CPNE4: variants seen among roughly 807,000 people sequenced by gnomAD.
CPNE4 encodes copine 4.
A neutral mutation model predicts 67.9 loss-of-function variants in CPNE4; 25 were observed. That is an observed-to-expected ratio of 0.37 (90% CI 0.27 to 0.51). The LOEUF (loss-of-function observed/expected upper bound fraction) is 0.51, where lower values mean the gene tolerates loss of function less well. Among genes scored for constraint, CPNE4 ranks in the 20% least tolerant of loss-of-function variants. The pLI, the probability that CPNE4 is intolerant of heterozygous loss-of-function variation, is 0.93. For missense variants in CPNE4, 464 were observed against 690.8 expected, an observed-to-expected ratio of 0.67 and a Z score of 3.68; for synonymous variants, 242 against 244.9, an observed-to-expected ratio of 0.99 and a Z score of 0.11.
At chr3:131,930,710 T>G (rs866284615) in intron 1 of CPNE4, among the ~76,000 whole-genome samples, 2 of 152,222 alleles carry the variant, frequency 1.3e-5, no homozygotes, top group South Asian at 4.2e-4. Flanking sequence ...ACAGACTCAG[T>G]TGAAAAGTTC....
intron 1 of CPNE4, among the ~76,000 whole-genome samples, chr3:131,910,652 CTT>C (rs951525796): frequency 6.6e-6 from 1 of 152,108 alleles, no homozygotes; most frequent in African/African-American, 2.4e-5. Context: ...GGCATGAACT[CTT>C]AGATTTGCTG....
At chr3:131,575,415 A>G (rs539955270) in intron 9 of CPNE4, among the ~76,000 whole-genome samples, 4 of 152,278 alleles carry the variant, frequency 2.6e-5, no homozygotes, top group Admixed American at 2.6e-4. Context: ...TGAGACTAAA[A>G]CTATATTTTC....
At chr3:131,861,639 G>T (rs1192931712) in intron 2 of CPNE4, among the ~76,000 whole-genome samples, 2 of 152,006 alleles carry the variant, frequency 1.3e-5, no homozygotes, top group African/African-American at 2.4e-5. Context: ...CACTATGTTG[G>T]CCAGGCTGGT....
chr3:131,890,810 G>C (rs2088084728), intron 2 of CPNE4, among the ~76,000 whole-genome samples: 4 of 152,070 alleles, frequency 2.6e-5, no homozygotes, highest in Admixed American at 2.6e-4. Context: ...AGACATTATG[G>C]AACAGAAAGA....
rs554301947 is a variant in CPNE4, at chr3:131,656,626, G to C, written c.681+13049C>G. Among the ~76,000 whole-genome samples the C allele has an allele frequency of 3.9e-5, 6 of 152,294 alleles. No individual in the cohort carries two copies. In the South Asian group the frequency reaches 1.2e-3, roughly 32 times the overall value. On this transcript the variant is annotated intron_variant, in intron 7 of 15. Transcript: ENST00000429747. Reference sequence around the variant, plus strand: ...CTACTATATGCCAAGCACTGTTTTAGGGGCTGAGGATATAGAGGTGAATTA... The same window carrying C: ...CTACTATATGCCAAGCACTGTTTTACGGGCTGAGGATATAGAGGTGAATTA...
chr3:131,567,207 G>C (rs1196656327), intron 10 of CPNE4, among the ~76,000 whole-genome samples: 1 of 151,880 alleles, frequency 6.6e-6, no homozygotes, highest in Non-Finnish European at 1.5e-5. Flanking sequence ...GGGTTATATA[G>C]GCCAGAGGAA....
At chr3:131,659,547 C>A (rs2080070444) in intron 7 of CPNE4, among the ~76,000 whole-genome samples, 2 of 152,076 alleles carry the variant, frequency 1.3e-5, no homozygotes, top group Non-Finnish European at 2.9e-5. Context: ...GAATAGCATT[C>A]ATCTGATACT....
intron 1 of CPNE4, among the ~76,000 whole-genome samples, chr3:132,010,308 C>A (rs182389337): frequency 5.3e-5 from 8 of 152,298 alleles, no homozygotes; most frequent in African/African-American, 9.6e-5. Flanking sequence ...TACAAATAAC[C>A]AAGCACTGAT....
rs181558159 is a variant in CPNE4, at chr3:131,803,806, C to T, written c.181-80181G>A. On this transcript the variant is annotated intron_variant, in intron 2 of 15. Transcript: ENST00000429747. ...AACGGGGAAATGGTTAAGTAAATTACGTACCTCTAATTGCTGGAACATTAA... is the reference window on the plus strand; with the variant it reads ...AACGGGGAAATGGTTAAGTAAATTATGTACCTCTAATTGCTGGAACATTAA... 1.1e-4 allele frequency among the ~76,000 whole-genome samples: 16 copies of T among 152,220 alleles called. No individual in the cohort carries two copies. The East Asian group carries it at 1.2e-3, about 11-fold the overall frequency.
intron 1 of CPNE4, among the ~76,000 whole-genome samples, chr3:131,999,088 G>C (rs1033136125): frequency 1.3e-5 from 2 of 151,846 alleles, no homozygotes; most frequent in African/African-American, 4.8e-5. Flanking sequence ...AGGGGCAATA[G>C]TATTTCATAC....
At chr3:131,855,954 G>A (rs1583334778) in intron 2 of CPNE4, among the ~76,000 whole-genome samples, 1 of 151,850 alleles carries the variant, frequency 6.6e-6, no homozygotes, top group East Asian at 1.9e-4. Context: ...CTGCCTTTCT[G>A]AGTTCTCCTC....
At chr3:131,627,532 A>G (rs1560008354) in intron 7 of CPNE4, among the ~76,000 whole-genome samples, 1 of 152,332 alleles carries the variant, frequency 6.6e-6, no homozygotes, top group Middle Eastern at 3.4e-3. Flanking sequence ...TTCTTATTTA[A>G]GGAATACATT....
Position 131,580,952 on chromosome 3 carries a change from T to C in CPNE4, c.867+627A>G, listed in dbSNP as rs866247400. On this transcript the variant is annotated intron_variant, in intron 9 of 15. Transcript: ENST00000429747. Reference sequence around the variant, plus strand: ...ACTTTGGGAGGCTGAGGCAGGCGGATCATGAGGTCAGGAGATCAAGACCAT... The same window carrying C: ...ACTTTGGGAGGCTGAGGCAGGCGGACCATGAGGTCAGGAGATCAAGACCAT... Among the ~76,000 whole-genome samples, 13 of 152,210 alleles carry C rather than the reference T, an allele frequency of 8.5e-5. 1 individual carries two copies. In the Middle Eastern group the frequency reaches 0.01, roughly 119 times the overall value.
chr3:132,016,445 G>A (rs1583601701), intron 1 of CPNE4, among the ~76,000 whole-genome samples: 1 of 152,196 alleles, frequency 6.6e-6, no homozygotes, highest in East Asian at 1.9e-4. Context: ...ATCAAGAATG[G>A]GTCTGAGATA....
chr3:131,600,747 C>A (rs1939159063), intron 7 of CPNE4, among the ~76,000 whole-genome samples: 2 of 152,134 alleles, frequency 1.3e-5, no homozygotes, highest in Non-Finnish European at 2.9e-5. Flanking sequence ...ACTAATAAGG[C>A]TTCCTCTAAT....
intron 7 of CPNE4, among the ~76,000 whole-genome samples, chr3:131,629,141 C>T (rs145041276): frequency 1.3e-5 from 2 of 152,218 alleles, no homozygotes; most frequent in Non-Finnish European, 2.9e-5. Flanking sequence ...TTATTTCTGC[C>T]TTCATTGAGA....
At chr3:131,988,640 A>C (rs1347948873) in intron 1 of CPNE4, among the ~76,000 whole-genome samples, 1 of 152,200 alleles carries the variant, frequency 6.6e-6, no homozygotes, top group Non-Finnish European at 1.5e-5. Context: ...ACCTGTAAAA[A>C]TCAGGGTGTC....
intron 1 of CPNE4, among the ~76,000 whole-genome samples, chr3:132,013,832 A>G (rs555987978): frequency 2.0e-5 from 3 of 152,326 alleles, no homozygotes; most frequent in South Asian, 2.1e-4. Flanking sequence ...ATCTTGCCCA[A>G]AACAATGCAG....
intron 1 of CPNE4, among the ~76,000 whole-genome samples, chr3:131,906,931 T>C (rs1560578956): frequency 6.6e-6 from 1 of 151,990 alleles, no homozygotes. Context: ...CCTGACTTTT[T>C]AATGATTGCC....
Sources: gnomAD v4.1 joint callset for allele counts (sites outside exome capture counted in the v4.1 genomes callset) on GRCh38, gnomAD v4.1.1 for gene constraint, MANE v1.5 for transcripts, NCBI Gene and HGNC (gene_info 2026-07-23, HGNC 2026-07-21) for gene names.